The following PLCE1 variants were observed in gnomAD, a reference collection of about 807,000 sequenced individuals.
The protein encoded by PLCE1 is 1-phosphatidylinositol 4,5-bisphosphate phosphodiesterase epsilon-1.
A neutral mutation model predicts 242.8 loss-of-function variants in PLCE1; 119 were observed. That is an observed-to-expected ratio of 0.49 (90% confidence interval 0.42 to 0.57). PLCE1 has a LOEUF of 0.57. Ranked by LOEUF, PLCE1 falls within the 20% of genes least tolerant of loss-of-function variation. The pLI, the probability that PLCE1 is intolerant of heterozygous loss-of-function variation, is 0.00. For missense variants in PLCE1, 2,441 were observed against 2,788.8 expected, an observed-to-expected ratio of 0.88 and a Z score of 2.81; for synonymous variants, 945 against 1,017.4, an observed-to-expected ratio of 0.93 and a Z score of 1.35.
chr10:94,153,719 T>C (rs1590136441), intron 3 of PLCE1, among the ~76,000 whole-genome samples: 1 of 152,152 alleles, frequency 6.6e-6, no homozygotes, highest in African/African-American at 2.4e-5. Context: ...GTTGTATTTC[T>C]ACAAACCAGC....
At chr10:94,136,006 G>A (rs932366264) in intron 3 of PLCE1, among the ~76,000 whole-genome samples, 1 of 152,060 alleles carries the variant, frequency 6.6e-6, no homozygotes, top group African/African-American at 2.4e-5. Context: ...GAAGGAGGTA[G>A]CACAAGATTT....
At position 94,031,858 on chromosome 10, in the gene PLCE1, A is replaced by G; in HGVS notation, c.812A>G (p.Glu271Gly). Residue 271 changes from glutamate (E) to glycine (G), a missense_variant, in exon 2 of 33, where the codon GAG becomes GGG. Physicochemically the swap from Glu to Gly is moderately conservative, Grantham distance 98 (BLOSUM62 -2). Coordinates refer to ENST00000371380, the MANE Select transcript of PLCE1 (RefSeq NM_016341.4). Reference sequence around the variant, plus strand: ...TACTTTTGCTTTGAAGGCTCTTGTGAGAAGGTTGACATGGTATATTCAGGT... The same window carrying G: ...TACTTTTGCTTTGAAGGCTCTTGTGGGAAGGTTGACATGGTATATTCAGGT... ...DKYFCFEGSC[E>G]KVDMVYSGDS... is the part of the protein sequence containing the mutation. The G allele has an allele frequency of 6.2e-7, 1 of 1,613,894 alleles. No individual in the cohort carries two copies. The highest frequency in any genetic ancestry group is 8.5e-7 in the Non-Finnish European group (1 of 1,179,888).
intron 3 of PLCE1, among the ~76,000 whole-genome samples, chr10:94,156,858 A>G (rs1420879770): frequency 6.6e-6 from 1 of 152,156 alleles, no homozygotes; most frequent in Non-Finnish European, 1.5e-5. Flanking sequence ...AGGACCATAT[A>G]TTAGAAAAAA....
chr10:94,119,645 C>A (rs1354193868), intron 2 of PLCE1, among the ~76,000 whole-genome samples: 1 of 152,146 alleles, frequency 6.6e-6, no homozygotes, highest in African/African-American at 2.4e-5. Context: ...CCTAGAAGAA[C>A]CTTCCATGGC....
intron 3 of PLCE1, among the ~76,000 whole-genome samples, chr10:94,136,933 C>T (rs982433716): frequency 6.6e-6 from 1 of 152,174 alleles, no homozygotes; most frequent in Non-Finnish European, 1.5e-5. Flanking sequence ...TGGCTCACGC[C>T]TGTAATCCCA....
At chr10:94,287,483 A>C (rs1209993945) in intron 22 of PLCE1, 2 of 151,152 alleles carry the variant, frequency 1.3e-5, no homozygotes, top group Admixed American at 6.6e-5. Context: ...AAAAAAAAAA[A>C]CCCTTCATTG....
At position 94,328,451 on chromosome 10, in the gene PLCE1, C is replaced by CCAT. The variant is rs1199420690; in HGVS notation, c.*509_*511dup. On this transcript the variant is annotated 3_prime_UTR_variant, in exon 33 of 33. Coordinates refer to ENST00000371380, the MANE Select transcript of PLCE1 (RefSeq NM_016341.4). ...TACTCTTGTTTTGACTTTTTTTCAACCATTTAAAAACTTAAAAACTATTCT... is the reference window on the plus strand; with the variant it reads ...TACTCTTGTTTTGACTTTTTTTCAACCATCATTTAAAAACTTAAAAACTATTCT... 6.6e-6 allele frequency: 1 copy of CCAT among 152,338 alleles called. No individual in the cohort carries two copies. Among genetic ancestry groups the CCAT allele is most frequent in the African/African-American group, 2.4e-5 (1 of 41,294 alleles). The allele number at this position is 152,338 out of a possible 1,614,324, so 9.4% of individuals were successfully genotyped here.
chr10:94,318,434 G>A (rs926170347), intron 29 of PLCE1, among the ~76,000 whole-genome samples: 20 of 152,218 alleles, frequency 1.3e-4, no homozygotes, highest in African/African-American at 3.9e-4. Context: ...GATTTACAGC[G>A]TTGAAAGCCC....
chr10:94,243,781 T>C (rs554590583), intron 7 of PLCE1, among the ~76,000 whole-genome samples: 1 of 151,776 alleles, frequency 6.6e-6, no homozygotes, highest in African/African-American at 2.4e-5. Flanking sequence ...TTTTTCTTTG[T>C]AGTTTTTCTA....
At chr10:94,239,114 G>A (rs1166763569) in intron 7 of PLCE1, among the ~76,000 whole-genome samples, 1 of 152,182 alleles carries the variant, frequency 6.6e-6, no homozygotes, top group East Asian at 1.9e-4. Context: ...CATACTATAA[G>A]TGCCAATATA....
chr10:94,314,143 G>A (rs2133755556), intron 28 of PLCE1, among the ~76,000 whole-genome samples: 1 of 152,150 alleles, frequency 6.6e-6, no homozygotes, highest in East Asian at 1.9e-4. Context: ...AGAGAGCCAG[G>A]GACATGGAGC....
intron 3 of PLCE1, among the ~76,000 whole-genome samples, chr10:94,150,226 A>C (rs1022582938): frequency 6.6e-6 from 1 of 152,222 alleles, no homozygotes; most frequent in African/African-American, 2.4e-5. Flanking sequence ...TTCTCAAAAC[A>C]ACCTGGCAAG....
chr10:94,130,292 C>T (rs1452972466), intron 2 of PLCE1, among the ~76,000 whole-genome samples: 1 of 152,176 alleles, frequency 6.6e-6, no homozygotes, highest in Non-Finnish European at 1.5e-5. Context: ...GGCATAACTC[C>T]AATCACATTG....
At chr10:94,186,147 A>G (rs2048469868) in intron 4 of PLCE1, among the ~76,000 whole-genome samples, 1 of 152,204 alleles carries the variant, frequency 6.6e-6, no homozygotes, top group Non-Finnish European at 1.5e-5. Context: ...CATTCCCCAT[A>G]TCTTCAGAAC....
intron 2 of PLCE1, among the ~76,000 whole-genome samples, chr10:94,035,730 A>G (rs1484535094): frequency 1.3e-5 from 2 of 152,148 alleles, no homozygotes; most frequent in Non-Finnish European, 2.9e-5. Context: ...TTTCTAAGGT[A>G]TGGTGTTCTG....
At chr10:94,327,897 T>C in intron 32 of PLCE1, 71 bp from the exon 33 acceptor site, 4 of 479,606 alleles carry the variant, frequency 8.3e-6, no homozygotes, top group South Asian at 6.4e-5. Flanking sequence ...CTCTGAACCC[T>C]TGGTATACCG....
chr10:94,104,294 A>C (rs2045647006), intron 2 of PLCE1: 1 of 152,246 alleles, frequency 6.6e-6, no homozygotes, highest in South Asian at 2.1e-4. Context: ...CCAAAATCAC[A>C]TCGCTAGAGT....
intron 3 of PLCE1, among the ~76,000 whole-genome samples, chr10:94,163,783 G>A (rs974412274): frequency 7.4e-4 from 112 of 152,176 alleles, no homozygotes; most frequent in African/African-American, 2.1e-3. Context: ...ATGTTTTTGC[G>A]GTGGCTGGTA....
chr10:94,053,986 A>G (rs1172252870), intron 2 of PLCE1, among the ~76,000 whole-genome samples: 1 of 152,228 alleles, frequency 6.6e-6, no homozygotes, highest in East Asian at 1.9e-4. Context: ...TTGAAGAAAC[A>G]GGCAGTAAGA....
Sources: gnomAD v4.1 joint callset for allele counts (sites outside exome capture counted in the v4.1 genomes callset) on GRCh38, gnomAD v4.1.1 for gene constraint, MANE v1.5 for transcripts, NCBI Gene and HGNC (gene_info 2026-07-23, HGNC 2026-07-21) for gene names.